The following GRM7 variants were observed in gnomAD, a reference collection of about 807,000 sequenced individuals.
GRM7 encodes metabotropic glutamate receptor 7.
GRM7 carries 35 observed loss-of-function variants against 84.5 expected under a neutral mutation model. The ratio of observed to expected loss-of-function variants is 0.41; its 90% CI spans 0.32 to 0.55. The LOEUF is 0.55. Ranked by LOEUF, GRM7 falls within the 20% of genes least tolerant of loss-of-function variation. The pLI, the probability that GRM7 is intolerant of heterozygous loss-of-function variation, is 0.19. For synonymous variants in GRM7, 487 were observed against 455.1 expected, an observed-to-expected ratio of 1.07 and a Z score of -0.89; for missense variants, 1,003 against 1,194.6, an observed-to-expected ratio of 0.84 and a Z score of 2.36.
intron 1 of GRM7, among the ~76,000 whole-genome samples, chr3:6,964,373 C>A (rs1270263388): frequency 1.3e-5 from 2 of 152,086 alleles, no homozygotes; most frequent in African/African-American, 4.8e-5. Flanking sequence ...TTAGGGAGCT[C>A]TCTGGGGTCC....
intron 1 of GRM7, among the ~76,000 whole-genome samples, chr3:7,004,536 C>A (rs552408271): frequency 1.3e-5 from 2 of 152,130 alleles, no homozygotes; most frequent in East Asian, 3.9e-4. Flanking sequence ...GAAAGGGTTA[C>A]GTGAAATATC....
intron 1 of GRM7, among the ~76,000 whole-genome samples, chr3:6,867,114 T>TC (rs1694962646): frequency 6.6e-6 from 1 of 152,116 alleles, no homozygotes; most frequent in East Asian, 1.9e-4. Context: ...TGTCTGTGAG[T>TC]TTCTAGGACG....
chr3:7,258,102 A>G (rs985646010), intron 2 of GRM7, among the ~76,000 whole-genome samples: 1 of 152,156 alleles, frequency 6.6e-6, no homozygotes, highest in African/African-American at 2.4e-5. Flanking sequence ...AGTAGCACCC[A>G]GTGACACAGC....
chr3:7,546,260 T>G (rs1693143646), intron 7 of GRM7, among the ~76,000 whole-genome samples: 1 of 152,248 alleles, frequency 6.6e-6, no homozygotes, highest in African/African-American at 2.4e-5. Flanking sequence ...ATCTGCATTC[T>G]ATGCCTAACA....
In GRM7 at chr3:6,877,815, A is replaced by ACT. The variant is rs986849299; in HGVS notation, c.519+15909_519+15910insTC. On this transcript the variant is annotated intron_variant, in intron 1 of 9. Transcript: ENST00000357716. Reference sequence around the variant, plus strand: ...ACATATACCTACACAGATATCACACACACACACACACACACACACACACAC... The same window carrying ACT: ...ACATATACCTACACAGATATCACACACTCACACACACACACACACACACACAC... Among the ~76,000 whole-genome samples, 6 of 52,214 alleles carry ACT rather than the reference A, an allele frequency of 1.1e-4. 1 individual carries two copies. The highest frequency in any genetic ancestry group is 2.7e-4 in the African/African-American group (3 of 11,012). The allele number at this position is 52,214 out of a possible 152,430, so 34.3% of individuals were successfully genotyped here. A position where few individuals can be genotyped will look rare whatever the true frequency, so the allele number is the denominator to read the frequency against.
At chr3:7,201,601 G>T (rs1301515607) in intron 2 of GRM7, among the ~76,000 whole-genome samples, 1 of 152,116 alleles carries the variant, frequency 6.6e-6, no homozygotes, top group East Asian at 1.9e-4. Flanking sequence ...TATGTACCAG[G>T]TATTATGTAA....
intron 1 of GRM7, among the ~76,000 whole-genome samples, chr3:6,930,880 A>T (rs1697476065): frequency 6.6e-6 from 1 of 152,070 alleles, no homozygotes; most frequent in Non-Finnish European, 1.5e-5. Context: ...AAAAACTATG[A>T]AGTTATTAAA....
chr3:7,575,381 T>G (rs1694909422), intron 7 of GRM7, among the ~76,000 whole-genome samples: 2 of 152,216 alleles, frequency 1.3e-5, no homozygotes, highest in African/African-American at 4.8e-5. Flanking sequence ...CTGAAACAGT[T>G]TTGTTGCGGA....
chr3:7,161,593 A>G (rs1172879884), intron 2 of GRM7, among the ~76,000 whole-genome samples: 1 of 152,194 alleles, frequency 6.6e-6, no homozygotes, highest in Non-Finnish European at 1.5e-5. Flanking sequence ...CATAGATTAA[A>G]TCTATAAACA....
intron 8 of GRM7, among the ~76,000 whole-genome samples, chr3:7,656,773 C>A (rs963496175): frequency 6.6e-6 from 1 of 151,940 alleles, no homozygotes; most frequent in Non-Finnish European, 1.5e-5. Context: ...AAAATATGGT[C>A]AAAGAGAGGT....
At chr3:7,037,691 T>C (rs1013765770) in intron 1 of GRM7, among the ~76,000 whole-genome samples, 11 of 152,212 alleles carry the variant, frequency 7.2e-5, no homozygotes, top group Non-Finnish European at 1.5e-4. Flanking sequence ...GATAGTGTGC[T>C]GAATGCCTGT....
chr3:7,223,800 G>C (rs1401949764), intron 2 of GRM7, among the ~76,000 whole-genome samples: 1 of 152,224 alleles, frequency 6.6e-6, no homozygotes, highest in African/African-American at 2.4e-5. Flanking sequence ...AGATTTTCTA[G>C]ATGGAAAACT....
intron 7 of GRM7, among the ~76,000 whole-genome samples, chr3:7,554,903 A>G (rs1404446675): frequency 6.6e-6 from 1 of 152,210 alleles, no homozygotes; most frequent in Non-Finnish European, 1.5e-5. Context: ...TCTAAAATAG[A>G]GTCCCAAGTT....
intron 1 of GRM7, among the ~76,000 whole-genome samples, chr3:7,048,997 G>A (rs532249325): frequency 2.0e-5 from 3 of 151,988 alleles, no homozygotes; most frequent in East Asian, 3.9e-4. Context: ...AGTTACATAA[G>A]TGAATTGTCA....
At chr3:6,934,912 C>T (rs773197553) in intron 1 of GRM7, among the ~76,000 whole-genome samples, 2 of 152,016 alleles carry the variant, frequency 1.3e-5, no homozygotes, top group Non-Finnish European at 2.9e-5. Flanking sequence ...AATTATGTTG[C>T]GAAAACAATA....
chr3:7,464,947 G>T (rs1315603821), intron 7 of GRM7, among the ~76,000 whole-genome samples: 1 of 152,060 alleles, frequency 6.6e-6, no homozygotes, highest in Non-Finnish European at 1.5e-5. Context: ...AGTGAGCCGA[G>T]ATCATGCCAC....
chr3:7,464,683 C>G (rs1450157696), intron 7 of GRM7, among the ~76,000 whole-genome samples: 1 of 151,938 alleles, frequency 6.6e-6, no homozygotes, highest in Non-Finnish European at 1.5e-5. Context: ...AAAAAATTAG[C>G]CGGGCATGGT....
chr3:6,962,632 A>G (rs542448475), intron 1 of GRM7, among the ~76,000 whole-genome samples: 2 of 152,220 alleles, frequency 1.3e-5, no homozygotes, highest in Non-Finnish European at 2.9e-5. Flanking sequence ...AGAAGTGGTT[A>G]AACATGACAA....
At chr3:7,724,941 TTA>T (rs1304543805) in intron 9 of GRM7, among the ~76,000 whole-genome samples, 4 of 87,122 alleles carry the variant, frequency 4.6e-5, no homozygotes, top group South Asian at 4.1e-4. Context: ...TGTTTTATTA[TTA>T]TTTTTTTTTT....
Sources: gnomAD v4.1 joint callset for allele counts (sites outside exome capture counted in the v4.1 genomes callset) on GRCh38, gnomAD v4.1.1 for gene constraint, MANE v1.5 for transcripts, NCBI Gene and HGNC (gene_info 2026-07-23, HGNC 2026-07-21) for gene names.